Variants in IQGAP2 observed in about 807,000 individuals in gnomAD.
IQGAP2 encodes the protein ras GTPase-activating-like protein IQGAP2.
A neutral mutation model predicts 201.3 loss-of-function variants in IQGAP2; 173 were observed. That is an observed-to-expected ratio of 0.86 (90% confidence interval 0.76 to 0.98). The LOEUF (loss-of-function observed/expected upper bound fraction) is 0.98, where lower values mean the gene tolerates loss of function less well. Ranked by LOEUF, IQGAP2 falls within the 50% of genes least tolerant of loss-of-function variation. The pLI, the probability that IQGAP2 is intolerant of heterozygous loss-of-function variation, is 0.00. For missense variants in IQGAP2, 1,687 were observed against 1,864.8 expected (o/e 0.90, Z 1.76); for synonymous variants, 675 against 673.9 (o/e 1.00, Z -0.03).
chr5:76,461,071 G>T (rs375446061), intron 1 of IQGAP2, among the ~76,000 whole-genome samples: 77 of 151,808 alleles, frequency 5.1e-4, no homozygotes, highest in African/African-American at 1.9e-3. Flanking sequence ...GTAGAGATGG[G>T]GTTTCACCGT....
At chr5:76,438,434 G>C (rs1459096361) in intron 1 of IQGAP2, among the ~76,000 whole-genome samples, 1 of 118,814 alleles carries the variant, frequency 8.4e-6, no homozygotes, top group Non-Finnish European at 1.9e-5. Context: ...GTTGTTATGG[G>C]CTTCATTTTC....
At chr5:76,409,451 C>T (rs547216196) in intron 1 of IQGAP2, among the ~76,000 whole-genome samples, 8 of 150,716 alleles carry the variant, frequency 5.3e-5, no homozygotes, top group South Asian at 2.1e-4. Context: ...TTCATCATGT[C>T]GGCCAGGCTG....
intron 20 of IQGAP2, among the ~76,000 whole-genome samples, chr5:76,658,102 C>T (rs144608160): frequency 6.6e-5 from 10 of 152,190 alleles, no homozygotes; most frequent in East Asian, 1.9e-4. Flanking sequence ...GTCTCAGGGT[C>T]GAGGTAACTT....
At chr5:76,546,919 T>C (rs1399806179) in intron 2 of IQGAP2, among the ~76,000 whole-genome samples, 4 of 152,104 alleles carry the variant, frequency 2.6e-5, no homozygotes, top group Non-Finnish European at 5.9e-5. Flanking sequence ...CAAGAACATA[T>C]GTTGGATTCT....
intron 2 of IQGAP2, among the ~76,000 whole-genome samples, chr5:76,542,921 T>C (rs1669055683): frequency 6.6e-6 from 1 of 152,208 alleles, no homozygotes; most frequent in East Asian, 1.9e-4. Flanking sequence ...ACTTTATATC[T>C]GTGTGTGTGC....
chr5:76,518,183 A>G (rs1206840155), intron 2 of IQGAP2, among the ~76,000 whole-genome samples: 2 of 152,040 alleles, frequency 1.3e-5, no homozygotes, highest in Non-Finnish European at 2.9e-5. Context: ...GCTGGTCTCA[A>G]ACTCCTGACC....
At position 76,683,757 on chromosome 5, in the gene IQGAP2, C is replaced by G; in HGVS notation, c.3764-19C>G. ...CAAAGAGTGAATTGGAAAAATAACA[C>G]TAGGTTTTTTCCCTACAGGGGAAGG... On this transcript the variant is annotated intron_variant, in intron 29 of 35. Transcript: ENST00000274364. 1 of 1,599,632 alleles carries G rather than the reference C, an allele frequency of 6.3e-7. No individual in the cohort carries two copies. The highest frequency in any genetic ancestry group is 8.5e-7 in the Non-Finnish European group (1 of 1,171,980).
intron 2 of IQGAP2, among the ~76,000 whole-genome samples, chr5:76,496,721 TTTCTTTTCTTTCTTTC>T (rs1338709809): frequency 0.037 from 717 of 19,408 alleles, 11 homozygotes; most frequent in African/African-American, 0.13. Flanking sequence ...TCTTTCTTTC[TTTCTTTTCTTTCTTTC>T]TTTCTTTCTT....
chr5:76,418,332 TCTTC>T (rs1751531957), intron 1 of IQGAP2, among the ~76,000 whole-genome samples: 1 of 152,202 alleles, frequency 6.6e-6, no homozygotes, highest in Non-Finnish European at 1.5e-5. Flanking sequence ...TTAGCCAGAT[TCTTC>T]CTTGTCCATC....
intron 1 of IQGAP2, among the ~76,000 whole-genome samples, chr5:76,450,435 A>C (rs1753669172): frequency 6.6e-6 from 1 of 152,226 alleles, no homozygotes; most frequent in Non-Finnish European, 1.5e-5. Flanking sequence ...TTAAATACAC[A>C]CCAACTCTAT....
intron 1 of IQGAP2, among the ~76,000 whole-genome samples, chr5:76,448,319 G>C (rs1473314821): frequency 2.0e-5 from 3 of 152,194 alleles, no homozygotes; most frequent in East Asian, 1.9e-4. Flanking sequence ...CTCACCTGCT[G>C]CTTCTATTAG....
intron 1 of IQGAP2, among the ~76,000 whole-genome samples, chr5:76,415,563 G>A (rs1751360623): frequency 6.6e-6 from 1 of 152,218 alleles, no homozygotes; most frequent in African/African-American, 2.4e-5. Context: ...TTCCAAGTGT[G>A]TATGTGTGTA....
chr5:76,479,375 G>A (rs1417642200), intron 2 of IQGAP2, among the ~76,000 whole-genome samples: 1 of 152,084 alleles, frequency 6.6e-6, no homozygotes, highest in African/African-American at 2.4e-5. Flanking sequence ...CTTTGTGAGG[G>A]ACGCTGATTC....
chr5:76,466,471 G>A (rs1754786402), intron 2 of IQGAP2, among the ~76,000 whole-genome samples: 1 of 152,194 alleles, frequency 6.6e-6, no homozygotes, highest in South Asian at 2.1e-4. Context: ...CACAGTAATT[G>A]AGACAGTATG....
At chr5:76,580,600 T>C (rs763166081) in intron 5 of IQGAP2, among the ~76,000 whole-genome samples, 27 of 152,252 alleles carry the variant, frequency 1.8e-4, no homozygotes, top group Non-Finnish European at 3.4e-4. Flanking sequence ...CACTGTATAT[T>C]ATTCTCTTGA....
intron 2 of IQGAP2, among the ~76,000 whole-genome samples, chr5:76,555,413 A>C (rs985846105): frequency 3.3e-5 from 5 of 152,244 alleles, no homozygotes; most frequent in Non-Finnish European, 7.3e-5. Context: ...TCAGAGTATT[A>C]AGCGACCTGT....
At position 76,639,340 on chromosome 5, in the gene IQGAP2, C is replaced by T. The variant is rs1751386015; in HGVS notation, c.1924-1593C>T. On this transcript the variant is annotated intron_variant, in intron 16 of 35. Transcript: ENST00000274364. ...TCCACTTTTTGCATTGTTTTTGACA[C>T]AGTCACCGGTATCTCTGAGTGGTTA... Among the ~76,000 whole-genome samples the T allele has an allele frequency of 4.6e-5, 7 of 152,298 alleles. No individual in the cohort carries two copies. The South Asian group carries it at 1.4e-3, about 32-fold the overall frequency.
chr5:76,532,138 C>A (rs1759335248), intron 2 of IQGAP2, among the ~76,000 whole-genome samples: 1 of 152,178 alleles, frequency 6.6e-6, no homozygotes, highest in Admixed American at 6.5e-5. Flanking sequence ...TGCGGGCAAC[C>A]ATTGCTATCA....
chr5:76,535,861 A>G (rs1759593123), intron 2 of IQGAP2, among the ~76,000 whole-genome samples: 1 of 152,194 alleles, frequency 6.6e-6, no homozygotes, highest in African/African-American at 2.4e-5. Context: ...TGTCGGAAAC[A>G]AAACTGGCAG....
Sources: allele counts gnomAD v4.1 joint callset (sites outside exome capture counted in the v4.1 genomes callset), GRCh38; gene constraint gnomAD v4.1.1; transcripts MANE v1.5; gene names NCBI Gene and HGNC (gene_info 2026-07-23, HGNC 2026-07-21).